AXIN1: variants seen among roughly 807,000 people sequenced by gnomAD.
AXIN1 encodes the protein axin-1.
AXIN1 carries 30 observed loss-of-function variants against 76.4 expected under a neutral mutation model. The observed-to-expected ratio is 0.39, with a 90% confidence interval of 0.29 to 0.53. The LOEUF (loss-of-function observed/expected upper bound fraction) is 0.53. Ranked by LOEUF, AXIN1 falls within the 20% of genes least tolerant of loss-of-function variation. The pLI, the probability that AXIN1 is intolerant of heterozygous loss-of-function variation, is 0.66. For synonymous variants in AXIN1, 545 were observed against 501.4 expected, an observed-to-expected ratio of 1.09 and a Z score of -1.16; for missense variants, 1,140 against 1,198.8, an observed-to-expected ratio of 0.95 and a Z score of 0.72.
In AXIN1 at chr16:321,421, G is replaced by T. The variant is rs184626431; in HGVS notation, c.879-6738C>A. 1.7e-3 allele frequency among the ~76,000 whole-genome samples: 257 copies of T among 152,352 alleles called. 3 individuals carry two copies. The highest frequency in any genetic ancestry group is 5.7e-3 in the African/African-American group (237 of 41,572). On this transcript the variant is annotated intron_variant, in intron 2 of 10. Coordinates refer to ENST00000262320, the MANE Select transcript of AXIN1 (RefSeq NM_003502.4). Reference sequence around the variant, plus strand: ...CGCCAAGACTTCTGTGTTGTTAAAAGTAAGTTCTGATGGTTTTGCTTAAGC... The same window carrying T: ...CGCCAAGACTTCTGTGTTGTTAAAATTAAGTTCTGATGGTTTTGCTTAAGC...
Position 352,366 on chromosome 16 carries a change from C to G in AXIN1, c.-82+3G>C. On this transcript the variant is annotated splice_donor_region_variant and intron_variant, in intron 1 of 10. Coordinates refer to ENST00000262320, the MANE Select transcript of AXIN1 (RefSeq NM_003502.4). ...GCCCGCCCCGGAGCCCGGCCCTACT[C>G]ACCCGCGCGCGGTGGTGGCGGGACC... The G allele has an allele frequency of 1.0e-6, 1 of 980,414 alleles. No homozygotes were observed. The highest frequency in any genetic ancestry group is 1.2e-6 in the Non-Finnish European group (1 of 827,902). The allele number at this position is 980,414 out of a possible 1,614,324, so 60.7% of individuals were successfully genotyped here.
intron 9 of AXIN1, chr16:290,848 C>CG (rs2052537091): frequency 1.2e-5 from 5 of 418,322 alleles, no homozygotes; most frequent in Non-Finnish European, 2.3e-5. Flanking sequence ...TGGCAGGGAC[C>CG]GGCCCGTTCC....
chr16:314,478 G>T, intron 3 of AXIN1, 65 bp downstream of exon 3: 1 of 1,607,010 alleles, frequency 6.2e-7, no homozygotes, highest in South Asian at 1.1e-5. Context: ...CAAGGGACAA[G>T]GTGTCTGGGA....
At position 346,898 on chromosome 16, in the gene AXIN1, C is replaced by G. The variant is rs2141708587; in HGVS notation, c.128G>C (p.Ser43Thr). 1 of 1,613,854 alleles carries G rather than the reference C, an allele frequency of 6.2e-7. No individual in the cohort carries two copies. Among genetic ancestry groups the G allele is most frequent in the Non-Finnish European group, 8.5e-7 (1 of 1,179,686 alleles). ...VSTDPRPASY[S>T]FCSGKGVGIK... ...GCCAACACCTTTCCCGGAGCAGAAA[C>G]TGTAGCTGGCGGGCCTCGGGTCTGT... is the stretch of plus-strand genomic sequence containing the variant. The change falls in exon 2 of 11, where the codon AGT (serine) becomes ACT (threonine). Residue 43 changes from serine to threonine, a missense_variant. Ser to Thr is a moderately conservative substitution (Grantham distance 58). Transcript: ENST00000262320.
At chr16:326,173 T>C (rs1370341832) in intron 2 of AXIN1, among the ~76,000 whole-genome samples, 1 of 150,934 alleles carries the variant, frequency 6.6e-6, no homozygotes, top group East Asian at 2.0e-4. Context: ...GCTAAAATGG[T>C]GAAACCCCAT....
chr16:306,450 T>C (rs549051771), intron 4 of AXIN1, among the ~76,000 whole-genome samples: 30 of 152,170 alleles, frequency 2.0e-4, no homozygotes, highest in African/African-American at 7.2e-4. Flanking sequence ...GCAAGCAGGG[T>C]GGCAGATGGG....
intron 7 of AXIN1, among the ~76,000 whole-genome samples, chr16:294,502 C>T (rs533906557): frequency 6.7e-6 from 1 of 149,170 alleles, no homozygotes; most frequent in East Asian, 2.0e-4. Context: ...GCGCGGTAAT[C>T]CCAGCACGCT....
At chr16:332,384 TGGCTAAC>T (rs1268095462) in intron 2 of AXIN1, among the ~76,000 whole-genome samples, 6 of 152,052 alleles carry the variant, frequency 3.9e-5, no homozygotes, top group Admixed American at 3.9e-4. Context: ...GAGACCATCC[TGGCTAAC>T]ACAGTGAAAC....
chr16:325,937 C>A (rs1299739257), intron 2 of AXIN1, among the ~76,000 whole-genome samples: 1 of 152,132 alleles, frequency 6.6e-6, no homozygotes, highest in Non-Finnish European at 1.5e-5. Flanking sequence ...GAGGGCCCCA[C>A]TCACTCACGC....
At chr16:332,685 A>T (rs923500675) in intron 2 of AXIN1, among the ~76,000 whole-genome samples, 2 of 150,438 alleles carry the variant, frequency 1.3e-5, no homozygotes, top group African/African-American at 4.9e-5. Context: ...AAAAAAGTAT[A>T]ATTTTTTGAG....
intron 2 of AXIN1, among the ~76,000 whole-genome samples, chr16:319,365 C>T (rs768102648): frequency 2.0e-5 from 3 of 152,094 alleles, no homozygotes; most frequent in East Asian, 1.9e-4. Context: ...TGAGAAGACA[C>T]GGTGACTTAG....
At chr16:332,258 A>T (rs1179070714) in intron 2 of AXIN1, among the ~76,000 whole-genome samples, 1 of 152,204 alleles carries the variant, frequency 6.6e-6, no homozygotes, top group African/African-American at 2.4e-5. Flanking sequence ...AGTAAAGCAT[A>T]TTTAACTTTT....
intron 9 of AXIN1, chr16:289,902 G>C: frequency 1.9e-6 from 1 of 528,204 alleles, no homozygotes; most frequent in East Asian, 3.4e-5. Flanking sequence ...CCCACCTCTA[G>C]GATGGCAGGG....
In AXIN1 at chr16:287,577, G is replaced by T. The variant is rs951165279; in HGVS notation, c.*545C>A. 15 of 307,748 alleles carry T rather than the reference G, an allele frequency of 4.9e-5. No homozygotes were observed. Among genetic ancestry groups the T allele is most frequent in the African/African-American group, 3.2e-4 (15 of 47,508 alleles). 19.1% of individuals were successfully genotyped at this position (307,748 alleles called of 1,614,324 possible). A position where few individuals can be genotyped will look rare whatever the true frequency, so the allele number is the denominator to read the frequency against. On this transcript the variant is annotated 3_prime_UTR_variant, in exon 11 of 11. Coordinates refer to ENST00000262320, the MANE Select transcript of AXIN1 (RefSeq NM_003502.4). ...GCCTGAGAAATGTACATATTTACAC[G>T]GGCCCTCAGAAAGGAGGACCCAGGA...
intron 2 of AXIN1, among the ~76,000 whole-genome samples, chr16:327,936 G>A (rs193132274): frequency 7.5e-4 from 115 of 152,344 alleles, no homozygotes; most frequent in African/African-American, 2.5e-3. Context: ...CCAACTAACT[G>A]TCTGTGAGAC....
At position 288,368 on chromosome 16, in the gene AXIN1, G is replaced by T. The variant is rs2052448105; in HGVS notation, c.2463-120C>A. On this transcript the variant is annotated intron_variant, in intron 10 of 10. Transcript: ENST00000262320. ...AGGAGCCTCCTGTCCATGCCCCACGGCCCCCACTGCATGTGCGCCCCCTCC... is the reference window on the plus strand; with the variant it reads ...AGGAGCCTCCTGTCCATGCCCCACGTCCCCCACTGCATGTGCGCCCCCTCC... 5 of 1,448,846 alleles carry T rather than the reference G, an allele frequency of 3.5e-6. No individual in the cohort carries two copies. In the South Asian group the frequency reaches 5.8e-5, roughly 17 times the overall value. The allele number at this position is 1,448,846 out of a possible 1,614,324, so 89.7% of individuals were successfully genotyped here. A position where few individuals can be genotyped will look rare whatever the true frequency, so the allele number is the denominator to read the frequency against.
chr16:312,273 A>G (rs1256567095), intron 3 of AXIN1, among the ~76,000 whole-genome samples: 1 of 152,162 alleles, frequency 6.6e-6, no homozygotes, highest in Non-Finnish European at 1.5e-5. Flanking sequence ...TCACCTGTCC[A>G]CTTTTTACCT....
intron 2 of AXIN1, among the ~76,000 whole-genome samples, chr16:343,656 T>TTGCACTAC (rs1246651470): frequency 2.7e-5 from 4 of 149,700 alleles, no homozygotes; most frequent in African/African-American, 9.8e-5. Flanking sequence ...TGAGCTGAGA[T>TTGCACTAC]TGCACTACTG....
intron 2 of AXIN1, among the ~76,000 whole-genome samples, chr16:318,278 G>A (rs2053349401): frequency 6.6e-6 from 1 of 152,214 alleles, no homozygotes; most frequent in South Asian, 2.1e-4. Context: ...TTTAAAATGA[G>A]AAGCAGGAGA....
Sources: allele counts gnomAD v4.1 joint callset (sites outside exome capture counted in the v4.1 genomes callset), GRCh38; gene constraint gnomAD v4.1.1; transcripts MANE v1.5; gene names NCBI Gene and HGNC (gene_info 2026-07-23, HGNC 2026-07-21).